Variants in LRGUK observed in about 807,000 individuals in gnomAD.
The protein encoded by LRGUK is leucine-rich repeat and guanylate kinase domain-containing protein.
A neutral mutation model predicts 76.0 loss-of-function variants in LRGUK; 65 were observed. The observed-to-expected ratio is 0.85, with a 90% CI of 0.70 to 1.05. LRGUK has a LOEUF of 1.05. Ranked by LOEUF, LRGUK falls within the 50% of genes least tolerant of loss-of-function variation. The probability of loss-of-function intolerance (pLI) is 0.00; values close to 1 mark genes in which losing one functional copy is unlikely to be tolerated. For missense variants in LRGUK, 758 were observed against 732.8 expected (o/e 1.03, Z -0.40); for synonymous variants, 268 against 265.6 (o/e 1.01, Z -0.09).
chr7:134,143,024 A>G, intron 3 of LRGUK, 38 bp from the exon 4 acceptor site: 1 of 1,103,230 alleles, frequency 9.1e-7, no homozygotes, highest in Non-Finnish European at 1.4e-6. Flanking sequence ...TTGTTATTTT[A>G]TTGGCTTACC....
In LRGUK at chr7:134,149,868, AACTTCATAGAAATGCAGATTCTTGGG is replaced by A. The variant is rs1798133324; in HGVS notation, c.670+1550_670+1575del. ...AGACCACAGCAGCAGCATCACCTGG[AACTTCATAGAAATGCAGATTCTTGGG>A]CTCCATTGCAGACCTAAGAAATCAG... On this transcript the variant is annotated intron_variant, in intron 5 of 15. Transcript: ENST00000645682. Among the ~76,000 whole-genome samples the A allele has an allele frequency of 3.9e-4, 60 of 152,256 alleles. 2 individuals carry two copies. In the South Asian group the frequency reaches 0.012, roughly 31 times the overall value.
chr7:134,150,870 A>G (rs1452575223), intron 5 of LRGUK, among the ~76,000 whole-genome samples: 8 of 152,142 alleles, frequency 5.3e-5, no homozygotes, highest in Non-Finnish European at 1.0e-4. Flanking sequence ...AGTCATCACT[A>G]AAGTATAAAA....
rs117225812 is a variant in LRGUK at position 134,195,431 on chromosome 7, T to G, written c.1432-1561T>G. 0.013 allele frequency among the ~76,000 whole-genome samples: 1,963 copies of G among 152,292 alleles called. 83 individuals are homozygous for G. In the East Asian group the frequency reaches 0.15, roughly 11 times the overall value. On this transcript the variant is annotated intron_variant, in intron 12 of 15. Coordinates refer to ENST00000645682, the Ensembl canonical transcript of LRGUK. The stretch of plus-strand genomic sequence containing the variant: ...TGCCCAAGAATGAACAAGAACAGTT[T>G]GGAGGTTAGAAGCAAGATGGAGTCA...
intron 19 of LRGUK, among the ~76,000 whole-genome samples, chr7:134,260,342 G>A (rs1397007916): frequency 6.6e-6 from 1 of 152,152 alleles, no homozygotes; most frequent in Non-Finnish European, 1.5e-5. Flanking sequence ...AGAAGATTGT[G>A]TTGGTGTATT....
intron 16 of LRGUK, among the ~76,000 whole-genome samples, chr7:134,228,242 A>G (rs937113171): frequency 6.6e-6 from 1 of 152,184 alleles, no homozygotes; most frequent in African/African-American, 2.4e-5. Context: ...AGAATTTTGG[A>G]CCCAGTGAAG....
At chr7:134,175,527 G>A (rs1204027993) in intron 8 of LRGUK, among the ~76,000 whole-genome samples, 3 of 152,156 alleles carry the variant, frequency 2.0e-5, no homozygotes, top group Admixed American at 2.0e-4. Flanking sequence ...CCTGAAGGGT[G>A]TTTGTGCATA....
chr7:134,238,442 A>C (rs1391658377), intron 16 of LRGUK, among the ~76,000 whole-genome samples: 2 of 151,406 alleles, frequency 1.3e-5, no homozygotes, highest in African/African-American at 4.9e-5. Flanking sequence ...TTTCTTTTTT[A>C]TTTAAAATTT....
At chr7:134,208,355 C>G (rs1343293629) in intron 15 of LRGUK, among the ~76,000 whole-genome samples, 1 of 152,214 alleles carries the variant, frequency 6.6e-6, no homozygotes, top group African/African-American at 2.4e-5. Context: ...CAGCATTGAT[C>G]TCTAAGTTGG....
intron 7 of LRGUK, among the ~76,000 whole-genome samples, chr7:134,170,024 A>G (rs1799175941): frequency 6.6e-6 from 1 of 152,110 alleles, no homozygotes; most frequent in African/African-American, 2.4e-5. Flanking sequence ...GTGAGCAAAT[A>G]TCTTTTAAAA....
chr7:134,229,021 A>T (rs925647418), intron 16 of LRGUK, among the ~76,000 whole-genome samples: 3 of 152,218 alleles, frequency 2.0e-5, no homozygotes, highest in African/African-American at 7.2e-5. Context: ...AGAAACATAA[A>T]ACATATAAAA....
chr7:134,201,470 C>G lies in LRGUK; in HGVS notation c.1748-11C>G, dbSNP rs1441989946. ...ATCCTGTTGCTTTAAAATGTACTCT[C>G]TTTGCTGCAGATGATCTGGATGTTG... On this transcript the variant is annotated splice_polypyrimidine_tract_variant and intron_variant, in intron 14 of 15. Coordinates refer to ENST00000645682, the Ensembl canonical transcript of LRGUK. The G allele has an allele frequency of 1.9e-6, 3 of 1,608,720 alleles. No homozygotes were observed. Among genetic ancestry groups the G allele is most frequent in the African/African-American group, 2.7e-5 (2 of 74,896 alleles).
chr7:134,196,935 T>C (rs768391501), intron 12 of LRGUK, 57 bp from the exon 13 acceptor site: 7 of 920,708 alleles, frequency 7.6e-6, no homozygotes, highest in Non-Finnish European at 1.2e-5. Flanking sequence ...ATTTGAGTTA[T>C]GTAAATTCCA....
At chr7:134,142,129 C>T (rs539899424) in intron 3 of LRGUK, among the ~76,000 whole-genome samples, 1 of 152,278 alleles carries the variant, frequency 6.6e-6, no homozygotes, top group Non-Finnish European at 1.5e-5. Context: ...GGTGAGGAGG[C>T]TCCATTCTCC....
intron 16 of LRGUK, among the ~76,000 whole-genome samples, chr7:134,246,872 A>G (rs1183487614): frequency 1.3e-5 from 2 of 152,216 alleles, no homozygotes; most frequent in Admixed American, 6.5e-5. Flanking sequence ...TAAGGGAGGA[A>G]ATCCAGTACC....
At position 134,143,155 on chromosome 7, in the gene LRGUK, A is replaced by T; in HGVS notation, c.581A>T (p.Asn194Ile). 6 of 1,591,066 alleles carry T rather than the reference A, an allele frequency of 3.8e-6. No individual in the cohort carries two copies. The South Asian group carries it at 6.6e-5, about 18-fold the overall frequency. ...TTCTTCAATTTCAAGCCACCCAAAA[A>T]CCTCAAGGTAGACTTTATGAATACC... is the stretch of plus-strand genomic sequence containing the variant. The change falls in exon 4 of 16, where the codon AAC becomes ATC. Residue 194 changes from asparagine (N) to isoleucine (I), a missense_variant. Asn to Ile is a moderately radical substitution (Grantham distance 149). Transcript: ENST00000645682.
At chr7:134,129,010 A>G (rs1281327692) in intron 1 of LRGUK, among the ~76,000 whole-genome samples, 1 of 150,804 alleles carries the variant, frequency 6.6e-6, no homozygotes, top group Non-Finnish European at 1.5e-5. Context: ...AATTCTTTTC[A>G]GAAGTAAATA....
At chr7:134,211,468 C>T (rs1801268047), downstream of LRGUK, among the ~76,000 whole-genome samples, 1 of 152,192 alleles carries the variant, frequency 6.6e-6, no homozygotes. Context: ...CTTTGCTGTT[C>T]CTGGAGGTTC....
At chr7:134,181,347 C>A (rs1005550258) in intron 10 of LRGUK, among the ~76,000 whole-genome samples, 30 of 151,524 alleles carry the variant, frequency 2.0e-4, no homozygotes, top group African/African-American at 7.3e-4. Flanking sequence ...TGGCATAAAA[C>A]AAAATCTGAT....
At chr7:134,214,089 G>C (rs1233584649), downstream of LRGUK, among the ~76,000 whole-genome samples, 1 of 152,192 alleles carries the variant, frequency 6.6e-6, no homozygotes, top group Non-Finnish European at 1.5e-5. Flanking sequence ...AGCTAAATCA[G>C]TTATTTCCAA....
Sources: allele counts gnomAD v4.1 joint callset (sites outside exome capture counted in the v4.1 genomes callset), GRCh38; gene constraint gnomAD v4.1.1; transcripts MANE v1.5; gene names NCBI Gene and HGNC (gene_info 2026-07-23, HGNC 2026-07-21).